The following KCNMA1 variants were observed in gnomAD, a reference collection of about 807,000 sequenced individuals.
KCNMA1 encodes the protein Calcium-activated potassium channel subunit alpha-1.
A neutral mutation model predicts 140.0 loss-of-function variants in KCNMA1; 29 were observed. The ratio of observed to expected loss-of-function variants is 0.21; its 90% confidence interval spans 0.15 to 0.28. KCNMA1 has a LOEUF of 0.28. Ranked by LOEUF, KCNMA1 falls within the 10% of genes least tolerant of loss-of-function variation. KCNMA1 has a pLI of 1.00. For synonymous variants in KCNMA1, 612 were observed against 611.9 expected (o/e 1.00, Z 0.00); for missense variants, 880 against 1,602.2 (o/e 0.55, Z 7.70).
chr10:77,080,540 ATCTCTTGCTAG>A (rs2096539389), intron 12 of KCNMA1, among the ~76,000 whole-genome samples: 1 of 151,952 alleles, frequency 6.6e-6, no homozygotes, highest in South Asian at 2.1e-4. Flanking sequence ...CCACCACCAT[ATCTCTTGCTAG>A]TGTGAAAACA....
intron 18 of KCNMA1, among the ~76,000 whole-genome samples, chr10:77,007,653 G>GTGTGTGAATATATATATATATATATA: frequency 1.1e-5 from 1 of 88,482 alleles, no homozygotes; most frequent in Non-Finnish European, 2.3e-5. Context: ...TTGTGTGTGT[G>GTGTGTGAATATATATATATATATATA]TATATATATA....
chr10:77,176,339 A>C (rs529536832), intron 5 of KCNMA1, among the ~76,000 whole-genome samples: 1 of 152,314 alleles, frequency 6.6e-6, no homozygotes, highest in East Asian at 1.9e-4. Flanking sequence ...ATGCAGACCT[A>C]ATATGTTCCC....
chr10:77,632,267 A>AG (rs1178964505), intron 1 of KCNMA1, among the ~76,000 whole-genome samples: 1 of 152,036 alleles, frequency 6.6e-6, no homozygotes, highest in Non-Finnish European at 1.5e-5. Context: ...AACCTGGCCT[A>AG]GGGGGTGTCT....
rs544247571 is a variant in KCNMA1 at position 76,922,549 on chromosome 10, C to T, written c.2903-7500G>A. Among the ~76,000 whole-genome samples the T allele has an allele frequency of 4.6e-5, 7 of 152,194 alleles. No individual in the cohort carries two copies. In the East Asian group the frequency reaches 7.7e-4, roughly 17 times the overall value. On this transcript the variant is annotated intron_variant, in intron 23 of 27. Transcript: ENST00000286628. ...TGTCCTCCTCAATCTAGGGCCTGTCCGTATTCTCCCCAGGACATTATGTAA... is the reference window on the plus strand; with the variant it reads ...TGTCCTCCTCAATCTAGGGCCTGTCTGTATTCTCCCCAGGACATTATGTAA...
At chr10:77,339,594 C>A (rs1251715575) in intron 2 of KCNMA1, among the ~76,000 whole-genome samples, 1 of 152,152 alleles carries the variant, frequency 6.6e-6, no homozygotes, top group East Asian at 1.9e-4. Flanking sequence ...CCTGCAACTC[C>A]CAAGAGAACT....
chr10:77,516,434 T>C (rs1358614622), intron 1 of KCNMA1, among the ~76,000 whole-genome samples: 1 of 152,210 alleles, frequency 6.6e-6, no homozygotes, highest in Non-Finnish European at 1.5e-5. Context: ...CTGTCTGTGG[T>C]CTGTCTCCAC....
chr10:77,108,253 T>C lies in KCNMA1; in HGVS notation c.1223+228A>G. On this transcript the variant is annotated intron_variant, in intron 9 of 27. Transcript: ENST00000286628. The surrounding 1 kb of genome is among the most constrained non-coding windows in gnomAD (Gnocchi z 4.6). ...CTCCACAGGGACTCCTGAAAGTCAC[T>C]CAACCACATCTTTTCTGATGCAACT... is the stretch of plus-strand genomic sequence containing the variant. 1 of 1,432,520 alleles carries C rather than the reference T, an allele frequency of 7.0e-7. No individual in the cohort carries two copies. The highest frequency in any genetic ancestry group is 1.4e-5 in the African/African-American group (1 of 69,792). The allele number at this position is 1,432,520 out of a possible 1,614,324, so 88.7% of individuals were successfully genotyped here.
At chr10:77,275,848 G>C (rs1366638799) in intron 2 of KCNMA1, among the ~76,000 whole-genome samples, 1 of 152,206 alleles carries the variant, frequency 6.6e-6, no homozygotes, top group Admixed American at 6.5e-5. Flanking sequence ...GCCCAGCCCA[G>C]TTATGTAATC....
chr10:77,414,849 T>A (rs1312856492), intron 1 of KCNMA1, among the ~76,000 whole-genome samples: 1 of 152,200 alleles, frequency 6.6e-6, no homozygotes, highest in Non-Finnish European at 1.5e-5. Context: ...ATTACCCATC[T>A]TGTAAGTGGC....
At chr10:77,590,310 G>A (rs1331096995) in intron 1 of KCNMA1, among the ~76,000 whole-genome samples, 2 of 152,224 alleles carry the variant, frequency 1.3e-5, no homozygotes, top group Non-Finnish European at 2.9e-5. Flanking sequence ...TGGTCGATGG[G>A]ACTGGGCGCC....
At chr10:77,508,267 T>C (rs1033997836) in intron 1 of KCNMA1, among the ~76,000 whole-genome samples, 1 of 151,870 alleles carries the variant, frequency 6.6e-6, no homozygotes, top group African/African-American at 2.4e-5. Flanking sequence ...CGCAACCCCC[T>C]GGGCTCAAGC....
intron 1 of KCNMA1, among the ~76,000 whole-genome samples, chr10:77,495,794 T>G (rs1419727959): frequency 2.0e-5 from 3 of 152,134 alleles, no homozygotes; most frequent in African/African-American, 7.2e-5. Flanking sequence ...AGCCTCATGA[T>G]GAGCAGAGGA....
In KCNMA1 at chr10:77,445,783, A is replaced by G. The variant is rs147227770; in HGVS notation, c.379-41760T>C. ...CAGATGTCATCACAGTCATCGGTCA[A>G]GCTGAGAGAGGCTAGCGCAAACAGG... On this transcript the variant is annotated intron_variant, in intron 1 of 27. Transcript: ENST00000286628. Among the ~76,000 whole-genome samples the G allele has an allele frequency of 2.4e-3, 367 of 152,314 alleles. 2 individuals carry two copies. The highest frequency in any genetic ancestry group is 8.4e-3 in the African/African-American group (348 of 41,568).
intron 14 of KCNMA1, among the ~76,000 whole-genome samples, chr10:77,055,863 T>G (rs374534098): frequency 2.0e-5 from 3 of 152,108 alleles, no homozygotes; most frequent in African/African-American, 7.2e-5. Flanking sequence ...GGGGAAGTAG[T>G]CACTAAATTG....
intron 2 of KCNMA1, chr10:77,373,898 C>G (rs1196966235): frequency 1.3e-5 from 2 of 152,184 alleles, no homozygotes; most frequent in African/African-American, 2.4e-5. Context: ...GTTGAAGAAG[C>G]ATCTTTGCCT....
At chr10:77,336,769 C>G (rs574704162) in intron 2 of KCNMA1, among the ~76,000 whole-genome samples, 180 of 152,274 alleles carry the variant, frequency 1.2e-3, no homozygotes, top group Middle Eastern at 6.8e-3. Context: ...GAGATGAATA[C>G]TCATCCTCAA....
intron 13 of KCNMA1, among the ~76,000 whole-genome samples, chr10:77,077,291 G>T (rs1310951802): frequency 1.3e-5 from 2 of 152,188 alleles, no homozygotes; most frequent in African/African-American, 4.8e-5. Context: ...AATCATCCAA[G>T]GATCTGTAAG....
chr10:77,250,454 G>C (rs2059452380), intron 3 of KCNMA1: 1 of 152,650 alleles, frequency 6.6e-6, no homozygotes, highest in African/African-American at 2.4e-5. Context: ...GCAGGAATCA[G>C]GGCAGAACTG....
chr10:77,348,281 T>C (rs2154382954), intron 2 of KCNMA1, among the ~76,000 whole-genome samples: 1 of 152,278 alleles, frequency 6.6e-6, no homozygotes. Context: ...GTCTGAGTCA[T>C]TTACCCTAAA....
Sources: allele counts gnomAD v4.1 joint callset (sites outside exome capture counted in the v4.1 genomes callset), GRCh38; gene constraint gnomAD v4.1.1; non-coding constraint Gnocchi (gnomAD v3.1); transcripts MANE v1.5; gene names NCBI Gene and HGNC (gene_info 2026-07-23, HGNC 2026-07-21).